The following LRP1B variants were observed in gnomAD, a reference collection of about 807,000 sequenced individuals.
LRP1B encodes LDL receptor related protein 1B.
Under a neutral mutation model 556.6 loss-of-function variants are expected in LRP1B, and 217 were observed. The ratio of observed to expected loss-of-function variants is 0.39; its 90% CI spans 0.35 to 0.44. The LOEUF is 0.44. LRP1B is among the 20% of genes least tolerant of loss of function. The pLI is 1.00. For synonymous variants in LRP1B, 2,047 were observed against 1,865.8 expected, an observed-to-expected ratio of 1.10 and a Z score of -2.50; for missense variants, 5,053 against 5,620.8, an observed-to-expected ratio of 0.90 and a Z score of 3.23.
chr2:140,557,681 T>C (rs1248583855), intron 43 of LRP1B, among the ~76,000 whole-genome samples: 2 of 152,184 alleles, frequency 1.3e-5, no homozygotes, highest in Non-Finnish European at 2.9e-5. Context: ...TGTCTTTGTA[T>C]TGGCTGTTCT....
chr2:140,965,804 G>T (rs76472682), intron 18 of LRP1B, among the ~76,000 whole-genome samples: 1 of 144,980 alleles, frequency 6.9e-6, no homozygotes, highest in Non-Finnish European at 1.5e-5. Context: ...AACATGCAGT[G>T]TTTTTTTTTT....
intron 2 of LRP1B, among the ~76,000 whole-genome samples, chr2:141,626,396 G>T (rs1688703803): frequency 6.6e-6 from 1 of 152,106 alleles, no homozygotes; most frequent in African/African-American, 2.4e-5. Flanking sequence ...GTGACCTAGG[G>T]TTTGAAGGTA....
intron 41 of LRP1B, among the ~76,000 whole-genome samples, chr2:140,684,994 T>G (rs2105386090): frequency 6.6e-6 from 1 of 152,300 alleles, no homozygotes; most frequent in South Asian, 2.1e-4. Flanking sequence ...TGTTAAAGCA[T>G]GCATCCCTTC....
Position 141,619,374 on chromosome 2 carries a change from A to G in LRP1B, c.206-138841T>C, listed in dbSNP as rs189210229. Among the ~76,000 whole-genome samples the G allele has an allele frequency of 5.0e-3, 763 of 152,300 alleles. 11 individuals are homozygous for G. Among genetic ancestry groups the G allele is most frequent in the African/African-American group, 0.017 (716 of 41,570 alleles). ...CTACATCCAGCTTATACCTTGGGAC[A>G]TTATTGGGCTTGATAAATGTTTGTT... On this transcript the variant is annotated intron_variant, in intron 2 of 90. Coordinates refer to ENST00000389484, the MANE Select transcript of LRP1B (RefSeq NM_018557.3).
At chr2:141,920,180 C>T (rs369345958) in intron 1 of LRP1B, among the ~76,000 whole-genome samples, 56 of 148,296 alleles carry the variant, frequency 3.8e-4, no homozygotes, top group African/African-American at 1.3e-3. Flanking sequence ...CGAACTCAGT[C>T]TATTAAAATT....
chr2:141,500,258 C>T (rs556052532), intron 2 of LRP1B, among the ~76,000 whole-genome samples: 2 of 152,230 alleles, frequency 1.3e-5, no homozygotes, highest in South Asian at 4.1e-4. Context: ...AATCCCTTTG[C>T]TTTGTCTTGT....
At chr2:141,053,828 A>G (rs199806846) in intron 10 of LRP1B, among the ~76,000 whole-genome samples, 6,330 of 150,234 alleles carry the variant, frequency 0.042, 145 homozygotes, top group South Asian at 0.075. Flanking sequence ...GTGTGTATAT[A>G]TGTGTGTGTG....
intron 1 of LRP1B, among the ~76,000 whole-genome samples, chr2:142,082,994 A>G (rs1040444145): frequency 2.0e-5 from 3 of 152,206 alleles, no homozygotes; most frequent in African/African-American, 4.8e-5. Context: ...ATTTCTATGT[A>G]GAGATAAATA....
intron 1 of LRP1B, among the ~76,000 whole-genome samples, chr2:142,115,600 G>GT (rs1426233273): frequency 3.0e-5 from 1 of 32,788 alleles, no homozygotes. Context: ...TATTATATAT[G>GT]TAATATATAT....
chr2:141,499,554 T>C (rs1454318039), intron 2 of LRP1B, among the ~76,000 whole-genome samples: 1 of 152,022 alleles, frequency 6.6e-6, no homozygotes. Context: ...AGGTTCTTTA[T>C]GTTCCTATAG....
chr2:141,323,721 A>T (rs1687326429), intron 3 of LRP1B, among the ~76,000 whole-genome samples: 1 of 151,940 alleles, frequency 6.6e-6, no homozygotes, highest in East Asian at 1.9e-4. Flanking sequence ...GTACCTCTAG[A>T]CCTCTTGGAG....
intron 3 of LRP1B, among the ~76,000 whole-genome samples, chr2:141,365,655 C>CTTTTTTTTTTTTTGGCTCTT (rs747820293): frequency 6.6e-5 from 8 of 121,136 alleles, no homozygotes; most frequent in African/African-American, 2.5e-4. Flanking sequence ...GTTTTTGTTG[C>CTTTTTTTTTTTTTGGCTCTT]TTTTTTTTTT....
chr2:141,548,009 C>T (rs2054655), intron 2 of LRP1B, among the ~76,000 whole-genome samples: 149,239 of 152,250 alleles, frequency 0.98, 73,211 homozygotes, highest in Middle Eastern at 1. Flanking sequence ...AGGAAGACTA[C>T]AGAGAAGATG....
intron 2 of LRP1B, among the ~76,000 whole-genome samples, chr2:141,788,861 C>T (rs1038106407): frequency 6.6e-6 from 1 of 152,080 alleles, no homozygotes; most frequent in African/African-American, 2.4e-5. Flanking sequence ...CTACAAAGGA[C>T]ATGAACTTAT....
chr2:141,292,658 C>G (rs1019459352), intron 3 of LRP1B, among the ~76,000 whole-genome samples: 2 of 152,066 alleles, frequency 1.3e-5, no homozygotes, highest in African/African-American at 4.8e-5. Flanking sequence ...CTCCCGATAA[C>G]CTATAATGTA....
intron 1 of LRP1B, among the ~76,000 whole-genome samples, chr2:141,867,347 A>C (rs1163685065): frequency 6.6e-6 from 1 of 152,108 alleles, no homozygotes; most frequent in Admixed American, 6.6e-5. Flanking sequence ...ACTACACTAG[A>C]CCAGAATTAA....
chr2:141,282,143 T>C (rs1008052861), intron 3 of LRP1B, among the ~76,000 whole-genome samples: 3 of 152,168 alleles, frequency 2.0e-5, no homozygotes, highest in East Asian at 1.9e-4. Context: ...CTTTCAAAGG[T>C]AATAGAGTTA....
chr2:141,605,005 G>A (rs1489444356), intron 2 of LRP1B, among the ~76,000 whole-genome samples: 1 of 152,070 alleles, frequency 6.6e-6, no homozygotes, highest in Non-Finnish European at 1.5e-5. Flanking sequence ...AAGGCAGGCA[G>A]AGTGGGCCAG....
chr2:140,748,808 T>TA (rs1688461142), intron 35 of LRP1B, among the ~76,000 whole-genome samples: 1 of 109,174 alleles, frequency 9.2e-6, no homozygotes, highest in Non-Finnish European at 1.9e-5. Context: ...ACATATTATA[T>TA]ACATGTATAT....
Sources: allele counts gnomAD v4.1 joint callset (sites outside exome capture counted in the v4.1 genomes callset), GRCh38; gene constraint gnomAD v4.1.1; transcripts MANE v1.5; gene names NCBI Gene and HGNC (gene_info 2026-07-23, HGNC 2026-07-21).